The following ORC1 variants were observed in gnomAD, a reference collection of about 807,000 sequenced individuals.
The protein encoded by ORC1 is origin recognition complex subunit 1.
In ORC1, 61 loss-of-function variants were observed where a neutral mutation model predicts 98.9. The observed-to-expected ratio is 0.62, with a 90% CI of 0.50 to 0.76. The LOEUF (loss-of-function observed/expected upper bound fraction) is 0.76. Among genes scored for constraint, ORC1 ranks in the 30% least tolerant of loss-of-function variants. The pLI is 0.00. For missense variants in ORC1, 979 were observed against 1,072.2 expected (o/e 0.91, Z 1.21); for synonymous variants, 385 against 406.9 (o/e 0.95, Z 0.65).
chr1:52,398,990 C>T (rs896563652), intron 3 of ORC1, among the ~76,000 whole-genome samples: 3 of 152,140 alleles, frequency 2.0e-5, no homozygotes, highest in African/African-American at 7.2e-5. Flanking sequence ...TGTCAAAGGT[C>T]ACATGACCAA....
intron 6 of ORC1, among the ~76,000 whole-genome samples, 174 bp from the exon 7 acceptor site, chr1:52,389,495 T>TA (rs774702624): frequency 6.6e-6 from 1 of 152,234 alleles, no homozygotes; most frequent in Non-Finnish European, 1.5e-5. Context: ...ACTAAAAAGT[T>TA]ATAATTGAAG....
chr1:52,385,344 T>G, intron 9 of ORC1, 82 bp from the exon 10 acceptor site: 1 of 930,296 alleles, frequency 1.1e-6, no homozygotes. Flanking sequence ...TGGAAAATGA[T>G]TATGGTTTCT....
At chr1:52,398,613 ACT>A (rs1164503780) in intron 3 of ORC1, among the ~76,000 whole-genome samples, 2 of 141,532 alleles carry the variant, frequency 1.4e-5, no homozygotes, top group Non-Finnish European at 3.0e-5. Flanking sequence ...ACGGAGTCTC[ACT>A]CTGTCACCTG....
chr1:52,404,635 C>T (rs1191334301), upstream of ORC1: 1 of 1,211,286 alleles, frequency 8.3e-7, no homozygotes, highest in Non-Finnish European at 1.2e-6. Context: ...AGATGGTCGC[C>T]TAAGCTGTTT....
chr1:52,390,438 A>G (rs1236177550), intron 6 of ORC1, among the ~76,000 whole-genome samples: 1 of 152,210 alleles, frequency 6.6e-6, no homozygotes, highest in Non-Finnish European at 1.5e-5. Flanking sequence ...ACAAAAACAT[A>G]AAGTGGGAAA....
intron 3 of ORC1, among the ~76,000 whole-genome samples, chr1:52,398,845 A>G (rs562605335): frequency 6.6e-6 from 1 of 152,244 alleles, no homozygotes; most frequent in African/African-American, 2.4e-5. Flanking sequence ...TCGGCCTACC[A>G]AAGTGCTGGG....
chr1:52,399,534 G>A (rs1301875998), intron 3 of ORC1, among the ~76,000 whole-genome samples: 1 of 148,730 alleles, frequency 6.7e-6, no homozygotes, highest in Non-Finnish European at 1.5e-5. Context: ...TGAGGCAAGA[G>A]AATGGCTTGA....
chr1:52,401,228 G>T, intron 3 of ORC1, 134 bp downstream of exon 3: 2 of 1,105,514 alleles, frequency 1.8e-6, no homozygotes, highest in Non-Finnish European at 1.4e-6. Context: ...GGAAGAAGAC[G>T]CAGCTAGTTC....
chr1:52,396,220 C>T lies in ORC1; in HGVS notation c.547G>A (p.Ala183Thr), dbSNP rs1469401673. 3.1e-6 allele frequency: 5 copies of T among 1,614,198 alleles called. No individual in the cohort carries two copies. Among genetic ancestry groups the T allele is most frequent in the Non-Finnish European group, 4.2e-6 (5 of 1,180,038 alleles). ...FAELNKPQESAAKCQKPVRAK... is the reference protein window; with the variant it reads ...FAELNKPQESTAKCQKPVRAK... The stretch of plus-strand genomic sequence containing the variant: ...CTCACGGGTTTCTGGCACTTGGCTG[C>T]ACTCTCTTGTGGTTTATTCAACTCC... The change falls in exon 5 of 17, where the codon GCA (alanine) becomes ACA (threonine). Residue 183 changes from alanine (A) to threonine (T), a missense_variant. Physicochemically the swap from Ala to Thr is moderately conservative, Grantham distance 58. Transcript: ENST00000371568.
chr1:52,374,928 G>C, intron 15 of ORC1, 31 bp from the exon 16 acceptor site: 1 of 1,398,894 alleles, frequency 7.1e-7, no homozygotes, highest in Non-Finnish European at 1.0e-6. Flanking sequence ...GTGAGTTTTT[G>C]TCAGTGGCTG....
chr1:52,384,785 T>C, intron 10 of ORC1, 64 bp from the exon 11 acceptor site: 1 of 1,407,930 alleles, frequency 7.1e-7, no homozygotes, highest in East Asian at 2.4e-5. Flanking sequence ...TATAATCAGT[T>C]AGGAGTGTGG....
At chr1:52,377,677 G>GT (rs2147912961) in intron 14 of ORC1, among the ~76,000 whole-genome samples, 1 of 128,946 alleles carries the variant, frequency 7.8e-6, no homozygotes, top group Admixed American at 8.3e-5. Flanking sequence ...TTTAAAAATG[G>GT]TAACAGTTGG....
chr1:52,396,289 A>T lies in ORC1; in HGVS notation c.478T>A (p.Trp160Arg). 6.2e-7 allele frequency: 1 copy of T among 1,614,182 alleles called. No individual in the cohort carries two copies. Among genetic ancestry groups the T allele is most frequent in the Non-Finnish European group, 8.5e-7 (1 of 1,180,034 alleles). ...NEKTLFVKLS[W>R]NEKKFRPLSS... is the part of the protein sequence containing the mutation. Reference sequence around the variant, plus strand: ...AGTGGCCTGAATTTCTTCTCATTCCAGGATAGTTTCACAAAGAGTGTCTTC... The same window carrying T: ...AGTGGCCTGAATTTCTTCTCATTCCTGGATAGTTTCACAAAGAGTGTCTTC... The change falls in exon 5 of 17, where the codon TGG (tryptophan) becomes AGG (arginine). Residue 160 changes from tryptophan to arginine, a missense_variant. Coordinates refer to ENST00000371568, the MANE Select transcript of ORC1 (RefSeq NM_004153.4).
chr1:52,384,479 A>C (rs1647115143), intron 11 of ORC1, 71 bp downstream of exon 11: 1 of 1,389,550 alleles, frequency 7.2e-7, no homozygotes, highest in East Asian at 2.3e-5. Context: ...CGCAAAATTA[A>C]GTAACTCTTT....
chr1:52,387,707 C>T (rs972203711), intron 8 of ORC1, among the ~76,000 whole-genome samples: 1 of 152,310 alleles, frequency 6.6e-6, no homozygotes, highest in Non-Finnish European at 1.5e-5. Flanking sequence ...GATCCACCCA[C>T]CTCGGCCTCC....
At chr1:52,399,065 C>T (rs1647567534) in intron 3 of ORC1, among the ~76,000 whole-genome samples, 2 of 152,262 alleles carry the variant, frequency 1.3e-5, no homozygotes, top group South Asian at 4.1e-4. Flanking sequence ...CCTAATGGTG[C>T]TATCAGCCGG....
intron 13 of ORC1, among the ~76,000 whole-genome samples, chr1:52,382,647 C>T (rs191788877): frequency 8.5e-4 from 123 of 144,836 alleles, no homozygotes; most frequent in African/African-American, 2.9e-3. Flanking sequence ...TGGCGTGATC[C>T]TGGCTCACCG....
At chr1:52,381,507 T>C in intron 14 of ORC1, 135 bp downstream of exon 14, 2 of 929,352 alleles carry the variant, frequency 2.2e-6, no homozygotes, top group Non-Finnish European at 3.3e-6. Context: ...TTTCTCATAA[T>C]CTTGTCTTTT....
At chr1:52,401,101 C>T (rs548575929) in intron 3 of ORC1, among the ~76,000 whole-genome samples, 1 of 151,926 alleles carries the variant, frequency 6.6e-6, no homozygotes, top group Non-Finnish European at 1.5e-5. Flanking sequence ...TCCATCCCCC[C>T]CAATTCTGCC....
Sources: gnomAD v4.1 joint callset for allele counts (sites outside exome capture counted in the v4.1 genomes callset) on GRCh38, gnomAD v4.1.1 for gene constraint, MANE v1.5 for transcripts, NCBI Gene and HGNC (gene_info 2026-07-23, HGNC 2026-07-21) for gene names.